Variants in ENOX1 observed in about 807,000 individuals in gnomAD.
ENOX1 encodes candidate growth-related and time keeping constitutive hydroquinone (NADH) oxidase.
A neutral mutation model predicts 82.5 loss-of-function variants in ENOX1; 42 were observed. The ratio of observed to expected loss-of-function variants is 0.51; its 90% CI spans 0.40 to 0.66. The LOEUF is 0.66. Among genes scored for constraint, ENOX1 ranks in the 30% least tolerant of loss-of-function variants. ENOX1 has a pLI of 0.00. For missense variants in ENOX1, 608 were observed against 811.6 expected, an observed-to-expected ratio of 0.75 and a Z score of 3.05; for synonymous variants, 271 against 282.2, an observed-to-expected ratio of 0.96 and a Z score of 0.40.
intron 3 of ENOX1, among the ~76,000 whole-genome samples, chr13:43,431,792 T>C (rs1166271368): frequency 6.6e-6 from 1 of 152,156 alleles, no homozygotes; most frequent in Non-Finnish European, 1.5e-5. Context: ...TTGCTGACAT[T>C]GGAGGGATCT....
intron 2 of ENOX1, among the ~76,000 whole-genome samples, chr13:43,661,527 TA>T (rs1165577677): frequency 6.6e-6 from 1 of 152,168 alleles, no homozygotes; most frequent in East Asian, 1.9e-4. Context: ...GAATAAAGAG[TA>T]ATGTTGTTAA....
chr13:43,557,175 TAG>T (rs1167698159), intron 2 of ENOX1, among the ~76,000 whole-genome samples: 10 of 151,986 alleles, frequency 6.6e-5, no homozygotes, highest in Non-Finnish European at 1.3e-4. Context: ...GGGAGAAAAA[TAG>T]AGAGTCAGGA....
At chr13:43,536,170 T>C (rs1226073577) in intron 2 of ENOX1, among the ~76,000 whole-genome samples, 1 of 152,150 alleles carries the variant, frequency 6.6e-6, no homozygotes, top group African/African-American at 2.4e-5. Flanking sequence ...TGTGGAAAAA[T>C]GAATCATGTT....
chr13:43,487,102 G>A (rs2076453072), intron 2 of ENOX1, among the ~76,000 whole-genome samples: 2 of 152,010 alleles, frequency 1.3e-5, no homozygotes, highest in African/African-American at 2.4e-5. Flanking sequence ...AACCTGGGAG[G>A]TGGAAGTTGC....
At chr13:43,692,383 A>T (rs1313512327) in intron 1 of ENOX1, among the ~76,000 whole-genome samples, 1 of 152,226 alleles carries the variant, frequency 6.6e-6, no homozygotes, top group Non-Finnish European at 1.5e-5. Flanking sequence ...AGTTTTTCCA[A>T]GTATAATTGT....
intron 1 of ENOX1, among the ~76,000 whole-genome samples, chr13:43,778,571 A>T (rs1373463949): frequency 1.6e-5 from 2 of 123,446 alleles, no homozygotes. Flanking sequence ...GCAAGGGGGG[A>T]AAAATCACTA....
intron 2 of ENOX1, among the ~76,000 whole-genome samples, chr13:43,501,118 A>G (rs1033812123): frequency 6.6e-6 from 1 of 151,854 alleles, no homozygotes; most frequent in African/African-American, 2.4e-5. Context: ...GTTGTCTACA[A>G]GAGAAGAACT....
chr13:43,371,660 A>G (rs753333510), intron 5 of ENOX1, among the ~76,000 whole-genome samples: 6 of 152,238 alleles, frequency 3.9e-5, no homozygotes, highest in Non-Finnish European at 7.3e-5. Flanking sequence ...AATTTTAAAA[A>G]GAACAAAGAA....
At chr13:43,661,494 A>G (rs1288599343) in intron 2 of ENOX1, among the ~76,000 whole-genome samples, 1 of 152,240 alleles carries the variant, frequency 6.6e-6, no homozygotes, top group African/African-American at 2.4e-5. Flanking sequence ...TTTGTAGACA[A>G]CAAAGAGACA....
chr13:43,511,809 T>C (rs3884613), intron 2 of ENOX1, among the ~76,000 whole-genome samples: 33,215 of 152,062 alleles, frequency 0.22, 3,958 homozygotes, highest in Middle Eastern at 0.29. Context: ...CAAACTGTAA[T>C]AATCTTCCAG....
chr13:43,704,527 T>C (rs73482016), intron 1 of ENOX1, among the ~76,000 whole-genome samples: 3,210 of 151,858 alleles, frequency 0.021, 128 homozygotes, highest in African/African-American at 0.075. Context: ...TAGGACAAGA[T>C]AGGTGGAATT....
intron 5 of ENOX1, among the ~76,000 whole-genome samples, chr13:43,403,847 A>T (rs727343): frequency 0.23 from 35,701 of 151,986 alleles, 5,454 homozygotes; most frequent in East Asian, 0.52. Context: ...CTCAAAAAAA[A>T]AAATAAATAA....
intron 2 of ENOX1, among the ~76,000 whole-genome samples, chr13:43,489,937 T>C (rs1227679031): frequency 1.3e-5 from 2 of 152,130 alleles, no homozygotes; most frequent in East Asian, 1.9e-4. Context: ...TGTCCCATCA[T>C]TGTATTTTAC....
intron 2 of ENOX1, among the ~76,000 whole-genome samples, chr13:43,665,448 C>T (rs139481405): frequency 1.2e-3 from 186 of 152,136 alleles, no homozygotes; most frequent in African/African-American, 3.8e-3. Context: ...AGGAAGAAGA[C>T]GCGATTAGGG....
rs149844433 is a variant in ENOX1, at chr13:43,492,697, G to T, written c.-218-8545C>A. 1.3e-3 allele frequency among the ~76,000 whole-genome samples: 197 copies of T among 152,208 alleles called. 1 individual carries two copies. Among genetic ancestry groups the T allele is most frequent in the Non-Finnish European group, 2.4e-3 (161 of 68,010 alleles). Reference sequence around the variant, plus strand: ...TAAATACTTGCCTCATTCTGTCATTGAGACACTAAACCTCTTGCAATCTGG... The same window carrying T: ...TAAATACTTGCCTCATTCTGTCATTTAGACACTAAACCTCTTGCAATCTGG... On this transcript the variant is annotated intron_variant, in intron 2 of 16. Transcript: ENST00000690772.
intron 2 of ENOX1, among the ~76,000 whole-genome samples, chr13:43,531,517 A>G (rs5012868): frequency 0.35 from 52,089 of 147,430 alleles, 11,414 homozygotes; most frequent in Non-Finnish European, 0.5. Flanking sequence ...TCAGTGTGGC[A>G]ATTCCTCAGG....
intron 11 of ENOX1, among the ~76,000 whole-genome samples, chr13:43,300,559 A>G (rs1247369880): frequency 1.3e-5 from 2 of 152,214 alleles, no homozygotes; most frequent in African/African-American, 4.8e-5. Flanking sequence ...TGAAAATCAA[A>G]GGTAGAACAC....
In ENOX1 at chr13:43,232,976, TAAC is replaced by T. The variant is rs774652490; in HGVS notation, c.1714+3657_1714+3659del. 7.2e-5 allele frequency among the ~76,000 whole-genome samples: 11 copies of T among 152,192 alleles called. 1 individual carries two copies. The highest frequency in any genetic ancestry group is 1.5e-4 in the Non-Finnish European group (10 of 68,030). On this transcript the variant is annotated intron_variant, in intron 15 of 16. Transcript: ENST00000690772. ...AAAAATTTGATCCATTTTTCCTTTA[TAAC>T]AATATCCAGCCAAACACAGCTCCCA...
intron 1 of ENOX1, among the ~76,000 whole-genome samples, chr13:43,720,103 ATG>A (rs1368209050): frequency 7.4e-5 from 1 of 13,466 alleles, no homozygotes; most frequent in East Asian, 2.7e-3. Context: ...TATAAATTAC[ATG>A]TTATTATTGA....
Sources: allele counts gnomAD v4.1 joint callset (sites outside exome capture counted in the v4.1 genomes callset), GRCh38; gene constraint gnomAD v4.1.1; transcripts MANE v1.5; gene names NCBI Gene and HGNC (gene_info 2026-07-23, HGNC 2026-07-21).